The following AOPEP variants were observed in gnomAD, a reference collection of about 807,000 sequenced individuals.
AOPEP encodes aminopeptidase O.
In AOPEP, 77 loss-of-function variants were observed where a neutral mutation model predicts 98.1. The observed-to-expected ratio is 0.78, with a 90% CI of 0.65 to 0.95. AOPEP has a LOEUF of 0.95. AOPEP is among the 40% of genes least tolerant of loss of function. AOPEP has a pLI of 0.00. For synonymous variants in AOPEP, 346 were observed against 365.3 expected, an observed-to-expected ratio of 0.95 and a Z score of 0.60; for missense variants, 1,024 against 1,024.7, an observed-to-expected ratio of 1.00 and a Z score of 0.01.
chr9:95,006,258 A>T (rs1236426675), intron 13 of AOPEP: 2 of 342,872 alleles, frequency 5.8e-6, no homozygotes, highest in Admixed American at 3.8e-5. Context: ...GAAAACTCGT[A>T]AAAGTGAATA....
chr9:94,780,445 A>G (rs969496427), intron 3 of AOPEP, among the ~76,000 whole-genome samples: 12 of 152,188 alleles, frequency 7.9e-5, no homozygotes, highest in Admixed American at 6.5e-5. Flanking sequence ...TACACCTTAT[A>G]TGATATCACA....
intron 5 of AOPEP, among the ~76,000 whole-genome samples, chr9:94,873,333 G>T (rs1225807198): frequency 6.6e-6 from 1 of 152,172 alleles, no homozygotes; most frequent in Non-Finnish European, 1.5e-5. Flanking sequence ...CAAAGACTAC[G>T]AAAGACAGTG....
chr9:94,907,813 G>C (rs1331860518), intron 5 of AOPEP, among the ~76,000 whole-genome samples: 1 of 152,102 alleles, frequency 6.6e-6, no homozygotes, highest in Admixed American at 6.5e-5. Flanking sequence ...TGGCCTACAG[G>C]GTGGGCTACC....
chr9:94,787,763 A>G (rs1196013707), intron 3 of AOPEP, among the ~76,000 whole-genome samples: 4 of 152,190 alleles, frequency 2.6e-5, no homozygotes, highest in African/African-American at 7.2e-5. Context: ...TAAAGAGTCA[A>G]GTAATTCTGA....
At chr9:95,138,594 T>C in the AOPEP span, among the ~76,000 whole-genome samples, 1 of 152,158 alleles carries the variant, frequency 6.6e-6, no homozygotes, top group East Asian at 1.9e-4. Context: ...TTTTTCAGGA[T>C]CCATGTAACA....
At chr9:94,766,102 AAT>A (rs1256341850) in intron 2 of AOPEP, among the ~76,000 whole-genome samples, 1 of 152,234 alleles carries the variant, frequency 6.6e-6, no homozygotes, top group Non-Finnish European at 1.5e-5. Flanking sequence ...AATGGGACTT[AAT>A]ATGTTTTTAA....
chr9:94,748,299 T>C (rs1834968122), intron 1 of AOPEP, among the ~76,000 whole-genome samples: 4 of 152,212 alleles, frequency 2.6e-5, no homozygotes, highest in African/African-American at 9.6e-5. Flanking sequence ...ACTTTCAAGA[T>C]TATTTTTAGT....
At chr9:95,077,284 A>G (rs994048642) in intron 14 of AOPEP, among the ~76,000 whole-genome samples, 1 of 152,192 alleles carries the variant, frequency 6.6e-6, no homozygotes, top group South Asian at 2.1e-4. Context: ...CGGCTCCCAG[A>G]CAGGGTGGGA....
chr9:95,135,278 T>C, the AOPEP span: 1 of 1,476,922 alleles, frequency 6.8e-7, no homozygotes, highest in South Asian at 1.1e-5. Flanking sequence ...TTTCATTCTC[T>C]GACTAAAAGA....
the AOPEP span, among the ~76,000 whole-genome samples, chr9:95,102,070 C>A: frequency 6.6e-6 from 1 of 152,194 alleles, no homozygotes; most frequent in Non-Finnish European, 1.5e-5. Context: ...CATTTCCTAA[C>A]GAGCCTCCTC....
intron 5 of AOPEP, among the ~76,000 whole-genome samples, chr9:94,917,306 G>A (rs1342105685): frequency 6.6e-6 from 1 of 152,338 alleles, no homozygotes; most frequent in East Asian, 1.9e-4. Context: ...CTAGACTCAA[G>A]GTGGTCTCCA....
chr9:95,048,214 T>C (rs2066009427), intron 13 of AOPEP, among the ~76,000 whole-genome samples: 1 of 152,166 alleles, frequency 6.6e-6, no homozygotes, highest in Admixed American at 6.5e-5. Flanking sequence ...ATGTATGCTA[T>C]AGTTTTAAAC....
chr9:95,099,472 G>A, the AOPEP span: 36 of 224,712 alleles, frequency 1.6e-4, 2 homozygotes, highest in East Asian at 1.9e-3. Flanking sequence ...ATTCCTTCCC[G>A]GTGGCACCTG....
At chr9:95,122,080 G>T in the AOPEP span, among the ~76,000 whole-genome samples, 1 of 151,914 alleles carries the variant, frequency 6.6e-6, no homozygotes, top group Non-Finnish European at 1.5e-5. Context: ...GGATGGTCTC[G>T]ATCTCCTGAC....
Position 94,980,878 on chromosome 9 carries a change from A to G in AOPEP, c.1977+1451A>G, listed in dbSNP as rs1421728261. Among the ~76,000 whole-genome samples, 1 of 152,034 alleles carries G rather than the reference A, an allele frequency of 6.6e-6. No individual in the cohort carries two copies. The highest frequency in any genetic ancestry group is 6.5e-5 in the Admixed American group (1 of 15,276). On this transcript the variant is annotated intron_variant, in intron 11 of 16. Coordinates refer to ENST00000375315, the MANE Select transcript of AOPEP (RefSeq NM_001193329.3). The surrounding 1 kb of genome is among the most constrained non-coding windows in gnomAD (Gnocchi z 4.3). Reference sequence around the variant, plus strand: ...AGGTTTGTCTAGGTGTGAATAACCAACCCTTTTCCTTCATGTTTCAGATGG... The same window carrying G: ...AGGTTTGTCTAGGTGTGAATAACCAGCCCTTTTCCTTCATGTTTCAGATGG...
chr9:95,110,582 A>G, the AOPEP span: 1 of 1,035,458 alleles, frequency 9.7e-7, no homozygotes, highest in Non-Finnish European at 1.2e-6. Context: ...TTAAAATCTA[A>G]AACTATTTTT....
chr9:94,750,758 T>TC (rs1554699311), intron 1 of AOPEP, among the ~76,000 whole-genome samples: 1 of 143,858 alleles, frequency 7.0e-6, no homozygotes, highest in Non-Finnish European at 1.5e-5. Context: ...TTTTCTTTCT[T>TC]TTTTTTTTTT....
At chr9:95,123,875 G>A in the AOPEP span, 3 of 559,018 alleles carry the variant, frequency 5.4e-6, no homozygotes, top group Non-Finnish European at 1.0e-5. Flanking sequence ...GTAAGGAGTT[G>A]AGTCCTTAAA....
At chr9:94,869,269 G>T (rs2046054253) in intron 5 of AOPEP, among the ~76,000 whole-genome samples, 1 of 152,102 alleles carries the variant, frequency 6.6e-6, no homozygotes, top group South Asian at 2.1e-4. Context: ...AAAGACATTT[G>T]CTGTATGTTT....
Sources: allele counts gnomAD v4.1 joint callset (sites outside exome capture counted in the v4.1 genomes callset), GRCh38; gene constraint gnomAD v4.1.1; non-coding constraint Gnocchi (gnomAD v3.1); transcripts MANE v1.5; gene names NCBI Gene and HGNC (gene_info 2026-07-23, HGNC 2026-07-21).